Variants in ASPH observed in about 807,000 individuals in gnomAD.
ASPH encodes the protein aspartate beta-hydroxylase, also known as aspartyl/asparaginyl beta-hydroxylase.
Under a neutral mutation model 118.4 loss-of-function variants are expected in ASPH, and 100 were observed. The ratio of observed to expected loss-of-function variants is 0.84; its 90% CI spans 0.72 to 1.00. ASPH has a LOEUF of 1.00. Ranked by LOEUF, ASPH falls within the 50% of genes least tolerant of loss-of-function variation. ASPH has a pLI of 0.00. For synonymous variants in ASPH, 315 were observed against 325.6 expected (o/e 0.97, Z 0.35); for missense variants, 920 against 919.5 (o/e 1.00, Z -0.01).
At position 61,517,886 on chromosome 8, in the gene ASPH, A is replaced by T. The variant is rs1220632946; in HGVS notation, c.1992+146T>A. The T allele has an allele frequency of 2.7e-6, 3 of 1,106,746 alleles. No individual in the cohort carries two copies. The African/African-American group carries it at 4.7e-5, about 17-fold the overall frequency. The allele number at this position is 1,106,746 out of a possible 1,614,324, so 68.6% of individuals were successfully genotyped here. ...TTTTCCACCCTCAATTCTGACGTCAACCACATAAAATTATGTTTCAGTAAA... is the reference window on the plus strand; with the variant it reads ...TTTTCCACCCTCAATTCTGACGTCATCCACATAAAATTATGTTTCAGTAAA... On this transcript the variant is annotated intron_variant, in intron 23 of 24. Transcript: ENST00000379454.
intron 5 of ASPH, among the ~76,000 whole-genome samples, chr8:61,650,313 C>T (rs2350590): frequency 0.84 from 127,042 of 152,082 alleles, 53,213 homozygotes; most frequent in African/African-American, 0.88. Context: ...GTTTAAACTA[C>T]AGGGCATTGT....
chr8:61,597,767 A>T (rs545805360), intron 14 of ASPH, among the ~76,000 whole-genome samples: 1 of 152,388 alleles, frequency 6.6e-6, no homozygotes, highest in African/African-American at 2.4e-5. Context: ...GCCAGCTAAG[A>T]TACCAGATCC....
chr8:61,696,904 T>C (rs1834032341), intron 1 of ASPH, among the ~76,000 whole-genome samples: 1 of 152,216 alleles, frequency 6.6e-6, no homozygotes, highest in Non-Finnish European at 1.5e-5. Context: ...TAACTCTAAA[T>C]TTCAAGGCAA....
intron 24 of ASPH, among the ~76,000 whole-genome samples, chr8:61,514,780 G>C (rs974410314): frequency 1.3e-5 from 2 of 152,056 alleles, no homozygotes; most frequent in African/African-American, 2.4e-5. Context: ...TGCTCAGGCT[G>C]GTCTTGAACT....
intron 3 of ASPH, among the ~76,000 whole-genome samples, chr8:61,662,115 T>G: frequency 6.6e-6 from 1 of 152,162 alleles, no homozygotes; most frequent in Non-Finnish European, 1.5e-5. Flanking sequence ...ATCTAAATAT[T>G]AAAGGATAGA....
chr8:61,620,945 A>G (rs1015943189), intron 13 of ASPH, among the ~76,000 whole-genome samples: 1 of 152,260 alleles, frequency 6.6e-6, no homozygotes, highest in Non-Finnish European at 1.5e-5. Flanking sequence ...CATTCCATAT[A>G]GAAGTGGAAG....
At position 61,709,828 on chromosome 8, in the gene ASPH, G is replaced by C. The variant is rs148070755; in HGVS notation, c.103+4441C>G. ...ATGTTACAGATTTCTGAGCCATTAA[G>C]GGCAAATCACCAACTTGAAAGTTGA... On this transcript the variant is annotated intron_variant, in intron 1 of 24. Transcript: ENST00000379454. Among the ~76,000 whole-genome samples the C allele has an allele frequency of 4.6e-5, 7 of 152,230 alleles. No homozygotes were observed. The South Asian group carries it at 6.2e-4, about 14-fold the overall frequency.
At chr8:61,560,371 G>T (rs1327035229) in intron 18 of ASPH, among the ~76,000 whole-genome samples, 1 of 152,076 alleles carries the variant, frequency 6.6e-6, no homozygotes, top group Non-Finnish European at 1.5e-5. Flanking sequence ...GCAGCAAAAA[G>T]CTGGAAAAAT....
At chr8:61,503,623 C>A in intron 24 of ASPH, 114 bp from the exon 25 acceptor site, 1 of 982,252 alleles carries the variant, frequency 1.0e-6, no homozygotes, top group Non-Finnish European at 1.4e-6. Flanking sequence ...TGGGACATAA[C>A]CAAATAACTA....
rs147343350 is a variant in ASPH at position 61,560,994 on chromosome 8, A to C, written c.1437+1750T>G. On this transcript the variant is annotated intron_variant, in intron 18 of 24. Coordinates refer to ENST00000379454, the MANE Select transcript of ASPH (RefSeq NM_004318.4). ...AGGGGTAGAGGGACAGAAGAAAGAA[A>C]ATAGGGAAGAATTCTACAAGGAAGG... Among the ~76,000 whole-genome samples the C allele has an allele frequency of 1.3e-4, 19 of 150,498 alleles. No individual in the cohort carries two copies. The East Asian group carries it at 3.7e-3, about 30-fold the overall frequency.
chr8:61,642,858 A>AG, intron 10 of ASPH, 30 bp downstream of exon 10: 3 of 722,580 alleles, frequency 4.2e-6, no homozygotes, highest in Middle Eastern at 3.2e-4. Flanking sequence ...AAAAAAAAAG[A>AG]AAAAAAAAAA....
At position 61,638,378 on chromosome 8, in the gene ASPH, A is replaced by C. The variant is rs1554706829; in HGVS notation, c.791-15T>G. The C allele has an allele frequency of 3.2e-6, 5 of 1,539,106 alleles. No individual in the cohort carries two copies. The highest frequency in any genetic ancestry group is 4.4e-6 in the Non-Finnish European group (5 of 1,129,092). ...TTCATATACTGCTAAAAAAAAAAAA[A>C]CAGAAACAAAATCCCGTAACTTTCA... is the stretch of plus-strand genomic sequence containing the variant. On this transcript the variant is annotated splice_polypyrimidine_tract_variant and intron_variant, in intron 10 of 24. Coordinates refer to ENST00000379454, the MANE Select transcript of ASPH (RefSeq NM_004318.4).
chr8:61,666,289 T>C (rs866797489), intron 3 of ASPH, among the ~76,000 whole-genome samples: 60 of 152,280 alleles, frequency 3.9e-4, no homozygotes, highest in Admixed American at 3.5e-3. Flanking sequence ...TTCTAGTTCA[T>C]TGGGTTGAGA....
intron 1 of ASPH, among the ~76,000 whole-genome samples, chr8:61,693,987 G>C (rs915598954): frequency 6.6e-6 from 1 of 152,186 alleles, no homozygotes; most frequent in Non-Finnish European, 1.5e-5. Flanking sequence ...GAACACAGCA[G>C]AGCCAGCCTC....
intron 22 of ASPH, among the ~76,000 whole-genome samples, chr8:61,521,460 T>A (rs186018564): frequency 6.6e-6 from 1 of 152,326 alleles, no homozygotes; most frequent in East Asian, 1.9e-4. Context: ...GCTCAGAGAT[T>A]CAGGGACATG....
In ASPH at chr8:61,553,049, C is replaced by T. The variant is rs746447113; in HGVS notation, c.1608G>A (p.Gln536=). Residue 536 remains glutamine, a synonymous_variant, in exon 20 of 25, where the codon CAG becomes CAA. Transcript: ENST00000379454. The part of the protein sequence containing the change: ...RFYFHLGDAM[Q]RVGNKEAYKW... ...CCATTACCTCTTTGTTCCCAACCCT[C>T]TGCATGGCATCCCCCAGGTGGAAAT... 1 of 1,613,490 alleles carries T rather than the reference C, an allele frequency of 6.2e-7. No homozygotes were observed.
chr8:61,685,989 G>A (rs181588137), intron 1 of ASPH, among the ~76,000 whole-genome samples: 2 of 152,018 alleles, frequency 1.3e-5, no homozygotes, highest in East Asian at 1.9e-4. Flanking sequence ...GGCTGGTCTT[G>A]AACTCCTGAC....
chr8:61,597,136 A>C (rs767319215), intron 14 of ASPH, among the ~76,000 whole-genome samples: 1 of 148,834 alleles, frequency 6.7e-6, no homozygotes, highest in Non-Finnish European at 1.5e-5. Flanking sequence ...AATAGACTAG[A>C]TTGAATAGAA....
chr8:61,567,468 C>A (rs1832089688), intron 16 of ASPH, 150 bp from the exon 17 acceptor site: 2 of 824,856 alleles, frequency 2.4e-6, no homozygotes, highest in Non-Finnish European at 3.6e-6. Context: ...ATAAAAAAAA[C>A]TAACAAAAGA....
Sources: allele counts gnomAD v4.1 joint callset (sites outside exome capture counted in the v4.1 genomes callset), GRCh38; gene constraint gnomAD v4.1.1; transcripts MANE v1.5; gene names NCBI Gene and HGNC (gene_info 2026-07-23, HGNC 2026-07-21).